NTRK3: variants seen among roughly 807,000 people sequenced by gnomAD.
NTRK3 encodes neurotrophic receptor tyrosine kinase 3.
Under a neutral mutation model 91.7 loss-of-function variants are expected in NTRK3, and 24 were observed. That is an observed-to-expected ratio of 0.26 (90% CI 0.19 to 0.37). The LOEUF (loss-of-function observed/expected upper bound fraction) is 0.37, where lower values mean the gene tolerates loss of function less well. Ranked by LOEUF, NTRK3 falls within the 10% of genes least tolerant of loss-of-function variation. The probability of loss-of-function intolerance (pLI) is 1.00; values close to 1 mark genes in which losing one functional copy is unlikely to be tolerated. For synonymous variants in NTRK3, 483 were observed against 404.0 expected (o/e 1.20, Z -2.34); for missense variants, 880 against 1,068.9 (o/e 0.82, Z 2.46).
At chr15:88,140,681 T>C (rs949597923) in intron 6 of NTRK3, among the ~76,000 whole-genome samples, 4 of 152,226 alleles carry the variant, frequency 2.6e-5, no homozygotes, top group African/African-American at 9.6e-5. Flanking sequence ...CTGTGGCCTC[T>C]GGAAAACTCC....
intron 8 of NTRK3, 40 bp downstream of exon 8, chr15:88,136,427 T>TC (rs1159834398): frequency 6.2e-7 from 1 of 1,613,762 alleles, no homozygotes; most frequent in African/African-American, 1.3e-5. Flanking sequence ...GTGTGATCAC[T>TC]CCCTAGCCTC....
intron 13 of NTRK3, among the ~76,000 whole-genome samples, chr15:88,046,514 G>C (rs987069073): frequency 2.6e-5 from 4 of 152,114 alleles, no homozygotes; most frequent in Non-Finnish European, 5.9e-5. Flanking sequence ...AGTCAACCAG[G>C]GGAGGACAGA....
chr15:88,248,327 A>G (rs1002214218), intron 3 of NTRK3, among the ~76,000 whole-genome samples: 4 of 152,152 alleles, frequency 2.6e-5, no homozygotes, highest in African/African-American at 7.2e-5. Flanking sequence ...CACTACTAAG[A>G]GGCCTGCCTG....
chr15:87,892,074 C>G (rs2065879505), intron 17 of NTRK3, among the ~76,000 whole-genome samples: 1 of 131,494 alleles, frequency 7.6e-6, no homozygotes, highest in African/African-American at 3.2e-5. Context: ...TCCAGTTGCC[C>G]CCATCCCCAA....
intron 17 of NTRK3, among the ~76,000 whole-genome samples, chr15:87,881,980 C>T (rs1374031681): frequency 6.6e-6 from 1 of 152,204 alleles, no homozygotes; most frequent in South Asian, 2.1e-4. Flanking sequence ...ACTGCAACCT[C>T]CGCTTCCTGG....
Position 88,243,955 on chromosome 15 carries a change from AT to A in NTRK3, c.248+11950del, listed in dbSNP as rs1191754715. ...AGCACCTAGCAGTTGAAGGGGAGAA[AT>A]TCTGCTAATGAAACCTCTGAAGCCA... On this transcript the variant is annotated intron_variant, in intron 3 of 18. Transcript: ENST00000394480. The surrounding 1 kb of genome is among the most constrained non-coding windows in gnomAD (Gnocchi z 4.8). Among the ~76,000 whole-genome samples the A allele has an allele frequency of 6.6e-6, 1 of 152,166 alleles. No homozygotes were observed. The highest frequency in any genetic ancestry group is 1.5e-5 in the Non-Finnish European group (1 of 68,032).
intron 17 of NTRK3, among the ~76,000 whole-genome samples, chr15:87,921,527 G>T (rs1249672485): frequency 1.3e-5 from 2 of 152,188 alleles, no homozygotes; most frequent in Admixed American, 6.5e-5. Context: ...ATGATTCTGA[G>T]TGTAGCTGGC....
At chr15:88,062,068 T>C (rs1260293892) in intron 13 of NTRK3, among the ~76,000 whole-genome samples, 1 of 152,178 alleles carries the variant, frequency 6.6e-6, no homozygotes, top group Non-Finnish European at 1.5e-5. Context: ...ACGTAGCGCT[T>C]ACATTGTATT....
At chr15:87,947,522 C>A (rs1265059754) in intron 14 of NTRK3, among the ~76,000 whole-genome samples, 1 of 152,100 alleles carries the variant, frequency 6.6e-6, no homozygotes, top group African/African-American at 2.4e-5. Context: ...ATGTGAGCCA[C>A]CAGGATGACA....
rs184488934 is a variant in NTRK3 at position 87,960,858 on chromosome 15, C to G, written c.1586-20105G>C. On this transcript the variant is annotated intron_variant, in intron 14 of 18. Coordinates refer to ENST00000394480, the Ensembl canonical transcript of NTRK3. ...TTACTCCTTTGTCTGCCTTCATCAC[C>G]AGACTCTGATGGGTAGTCTAAGCGG... Among the ~76,000 whole-genome samples the G allele has an allele frequency of 1.3e-4, 20 of 152,274 alleles. No homozygotes were observed. In the East Asian group the frequency reaches 2.9e-3, roughly 22 times the overall value.
In NTRK3 at chr15:88,028,878, T is replaced by C. The variant is rs572499396; in HGVS notation, c.1585+3979A>G. On this transcript the variant is annotated intron_variant, in intron 14 of 18. Coordinates refer to ENST00000394480, the Ensembl canonical transcript of NTRK3. ...CAACTGGCTTATGGGAAAAGGCCAA[T>C]GTGTGACTCCTGAGAAAGCAGCAAG... Among the ~76,000 whole-genome samples, 136 of 152,270 alleles carry C rather than the reference T, an allele frequency of 8.9e-4. 3 individuals carry two copies. In the South Asian group the frequency reaches 0.027, roughly 30 times the overall value.
At chr15:87,947,432 A>G (rs77005508) in intron 14 of NTRK3, among the ~76,000 whole-genome samples, 4,630 of 152,304 alleles carry the variant, frequency 0.03, 85 homozygotes, top group African/African-American at 0.039. Flanking sequence ...GTAGAAACCA[A>G]TAACATCTGT....
intron 14 of NTRK3, among the ~76,000 whole-genome samples, chr15:87,948,540 T>C (rs2070791348): frequency 6.6e-6 from 1 of 152,046 alleles, no homozygotes; most frequent in Non-Finnish European, 1.5e-5. Context: ...ATACAAAAAT[T>C]ATCCGCACTC....
intron 14 of NTRK3, among the ~76,000 whole-genome samples, chr15:88,004,990 G>T (rs1471917778): frequency 6.6e-6 from 1 of 152,170 alleles, no homozygotes; most frequent in Non-Finnish European, 1.5e-5. Flanking sequence ...TCATCTTACA[G>T]ATGAGAAAAA....
chr15:87,880,022 T>C lies in NTRK3; in HGVS notation c.2292+248A>G, dbSNP rs1232708610. ...TTTGTGATTTTTAAGGGTAGCAGAT[T>C]TAACAGAGGCATGACTTGAGTCTCA... On this transcript the variant is annotated intron_variant, in intron 18 of 18. Transcript: ENST00000394480. Among the ~76,000 whole-genome samples the C allele has an allele frequency of 2.0e-5, 3 of 152,334 alleles. No individual in the cohort carries two copies. In the East Asian group the frequency reaches 5.8e-4, roughly 29 times the overall value.
At chr15:87,934,566 G>T (rs2069100329) in intron 15 of NTRK3, among the ~76,000 whole-genome samples, 1 of 152,112 alleles carries the variant, frequency 6.6e-6, no homozygotes, top group Non-Finnish European at 1.5e-5. Context: ...GCAGTAGTGT[G>T]AATATGCCAA....
At chr15:87,943,962 G>A (rs560483760) in intron 14 of NTRK3, among the ~76,000 whole-genome samples, 1 of 152,228 alleles carries the variant, frequency 6.6e-6, no homozygotes, top group African/African-American at 2.4e-5. Context: ...TTCCCCAAAT[G>A]TGCAAATGGA....
chr15:88,136,794 A>G (rs2041920170), intron 7 of NTRK3, among the ~76,000 whole-genome samples, 185 bp from the exon 8 acceptor site: 1 of 152,188 alleles, frequency 6.6e-6, no homozygotes, highest in Non-Finnish European at 1.5e-5. Flanking sequence ...TAGACATCAG[A>G]ACTCAGAATT....
chr15:88,055,865 G>C (rs2045629181), intron 13 of NTRK3, among the ~76,000 whole-genome samples: 1 of 152,202 alleles, frequency 6.6e-6, no homozygotes, highest in African/African-American at 2.4e-5. Flanking sequence ...AGCTGGAACA[G>C]ACTTAGAGTT....
Sources: gnomAD v4.1 joint callset for allele counts (sites outside exome capture counted in the v4.1 genomes callset) on GRCh38, gnomAD v4.1.1 for gene constraint, Gnocchi (gnomAD v3.1) non-coding constraint, MANE v1.5 for transcripts, NCBI Gene and HGNC (gene_info 2026-07-23, HGNC 2026-07-21) for gene names.